Variants in SEMA3A observed in about 807,000 individuals in gnomAD.
SEMA3A encodes the protein semaphorin-3A.
A neutral mutation model predicts 97.9 loss-of-function variants in SEMA3A; 29 were observed. The ratio of observed to expected loss-of-function variants is 0.30; its 90% CI spans 0.22 to 0.40. The LOEUF (loss-of-function observed/expected upper bound fraction) is 0.40. Ranked by LOEUF, SEMA3A falls within the 10% of genes least tolerant of loss-of-function variation. The pLI is 1.00. For missense variants in SEMA3A, 763 were observed against 951.3 expected, an observed-to-expected ratio of 0.80 and a Z score of 2.60; for synonymous variants, 321 against 323.7, an observed-to-expected ratio of 0.99 and a Z score of 0.09.
chr7:84,074,593 A>T (rs1263724569), intron 4 of SEMA3A, among the ~76,000 whole-genome samples: 1 of 152,098 alleles, frequency 6.6e-6, no homozygotes, highest in East Asian at 1.9e-4. Context: ...ATTAATTGAA[A>T]GAAGAACCTC....
At chr7:83,964,196 T>C (rs1788583191) in intron 15 of SEMA3A, among the ~76,000 whole-genome samples, 1 of 152,020 alleles carries the variant, frequency 6.6e-6, no homozygotes, top group African/African-American at 2.4e-5. Context: ...ACACAGGGAG[T>C]CTAGGTAAAA....
At chr7:83,996,121 G>C (rs573877505) in intron 12 of SEMA3A, among the ~76,000 whole-genome samples, 23 of 152,152 alleles carry the variant, frequency 1.5e-4, no homozygotes, top group Admixed American at 1.4e-3. Flanking sequence ...AACCATCTTT[G>C]ATTGTACTGG....
intron 1 of SEMA3A, among the ~76,000 whole-genome samples, chr7:84,404,659 C>A (rs557392589): frequency 1.3e-5 from 2 of 152,180 alleles, no homozygotes; most frequent in East Asian, 3.9e-4. Context: ...GTCGGGTTAC[C>A]CAAAAAGGGA....
intron 1 of SEMA3A, among the ~76,000 whole-genome samples, chr7:84,135,407 G>A (rs553717486): frequency 1.3e-4 from 20 of 152,000 alleles, no homozygotes; most frequent in East Asian, 7.8e-4. Context: ...CAGTGTGCCC[G>A]GCCTGCATTT....
At chr7:84,316,929 A>G (rs1801519478) in intron 2 of SEMA3A, among the ~76,000 whole-genome samples, 1 of 152,202 alleles carries the variant, frequency 6.6e-6, no homozygotes. Flanking sequence ...CAGGCTCCAA[A>G]TAAACCAGTA....
At chr7:84,192,204 A>C (rs1798066406) in intron 1 of SEMA3A, among the ~76,000 whole-genome samples, 1 of 152,016 alleles carries the variant, frequency 6.6e-6, no homozygotes, top group Admixed American at 6.6e-5. Flanking sequence ...CTAATTAAGG[A>C]GAAACAAGAA....
chr7:84,175,967 T>C (rs1475276426), intron 1 of SEMA3A, among the ~76,000 whole-genome samples: 1 of 152,172 alleles, frequency 6.6e-6, no homozygotes, highest in Non-Finnish European at 1.5e-5. Context: ...TAACAAGCAT[T>C]AAATTTTCTC....
At chr7:84,203,518 A>T (rs1344390023) in intron 3 of SEMA3A, among the ~76,000 whole-genome samples, 8 of 48,590 alleles carry the variant, frequency 1.6e-4, no homozygotes, top group African/African-American at 4.1e-4. Flanking sequence ...ATATATATAT[A>T]TATATATATT....
At chr7:84,246,099 G>T (rs965408538) in intron 3 of SEMA3A, among the ~76,000 whole-genome samples, 1 of 152,220 alleles carries the variant, frequency 6.6e-6, no homozygotes, top group African/African-American at 2.4e-5. Flanking sequence ...AGCAGGATTT[G>T]CAGCATTGCA....
intron 3 of SEMA3A, among the ~76,000 whole-genome samples, chr7:84,304,483 A>G (rs1801103716): frequency 1.3e-5 from 2 of 152,116 alleles, no homozygotes; most frequent in Non-Finnish European, 2.9e-5. Flanking sequence ...AAAAAAGTAG[A>G]ATGGTTTTAC....
intron 4 of SEMA3A, among the ~76,000 whole-genome samples, chr7:84,086,604 A>ATATAATATATT (rs1382445049): frequency 3.5e-5 from 5 of 141,482 alleles, no homozygotes; most frequent in African/African-American, 7.9e-5. Context: ...TTATATTTAT[A>ATATAATATATT]ATCCTCACAA....
At chr7:84,050,849 C>T (rs988889159) in intron 5 of SEMA3A, among the ~76,000 whole-genome samples, 7 of 151,492 alleles carry the variant, frequency 4.6e-5, no homozygotes, top group African/African-American at 1.5e-4. Flanking sequence ...TTAGGTCAAA[C>T]GTTTAAGTCT....
intron 6 of SEMA3A, among the ~76,000 whole-genome samples, chr7:84,034,226 C>T (rs1374172322): frequency 2.0e-5 from 3 of 152,052 alleles, no homozygotes; most frequent in Non-Finnish European, 1.5e-5. Context: ...TCAAGGGATC[C>T]GCCTGCCTCG....
At chr7:84,147,891 ACT>A (rs1490421667) in intron 1 of SEMA3A, among the ~76,000 whole-genome samples, 1 of 150,224 alleles carries the variant, frequency 6.7e-6, no homozygotes, top group African/African-American at 2.5e-5. Context: ...TCTTACTCTC[ACT>A]CTCTCTCTTT....
At chr7:84,272,957 C>T (rs1001458634) in intron 3 of SEMA3A, among the ~76,000 whole-genome samples, 1 of 152,032 alleles carries the variant, frequency 6.6e-6, no homozygotes, top group African/African-American at 2.4e-5. Context: ...GAGAATATAT[C>T]TATCTTCTTT....
At chr7:84,341,968 C>A (rs1802182807) in intron 2 of SEMA3A, among the ~76,000 whole-genome samples, 1 of 152,140 alleles carries the variant, frequency 6.6e-6, no homozygotes, top group Non-Finnish European at 1.5e-5. Context: ...TCTACTCATT[C>A]TTCACATGTC....
chr7:84,210,407 C>T (rs1214202025), intron 3 of SEMA3A, among the ~76,000 whole-genome samples: 2 of 151,914 alleles, frequency 1.3e-5, no homozygotes, highest in South Asian at 2.1e-4. Context: ...CATTTCAAGG[C>T]TCAGCCAAAG....
chr7:84,050,230 A>G (rs148439655), intron 5 of SEMA3A, among the ~76,000 whole-genome samples: 3,182 of 152,268 alleles, frequency 0.021, 29 homozygotes, highest in Middle Eastern at 0.037. Context: ...GTATATGCCC[A>G]GTAATGGGAT....
rs549921614 is a variant in SEMA3A at position 84,401,169 on chromosome 7, C to T, written c.-245-29269G>A. Among the ~76,000 whole-genome samples, 447 of 152,104 alleles carry T rather than the reference C, an allele frequency of 2.9e-3. 3 individuals carry two copies. The highest frequency in any genetic ancestry group is 1.0e-2 in the African/African-American group (415 of 41,510). On this transcript the variant is annotated intron_variant, in intron 1 of 3. Transcript: ENST00000424555. ...ATGGCTGATAAATTCAGTAAGATTG[C>T]GTGTTACAAAATCAAAATACAAAAA...
Sources: allele counts gnomAD v4.1 joint callset (sites outside exome capture counted in the v4.1 genomes callset), GRCh38; gene constraint gnomAD v4.1.1; transcripts MANE v1.5; gene names NCBI Gene and HGNC (gene_info 2026-07-23, HGNC 2026-07-21).